Variants in HTR3A observed in about 807,000 individuals in gnomAD.
HTR3A encodes 5-hydroxytryptamine receptor 3A, also known as 5-hydroxytryptamine (serotonin) receptor 3A, ionotropic.
Under a neutral mutation model 54.8 loss-of-function variants are expected in HTR3A, and 45 were observed. That is an observed-to-expected ratio of 0.82 (90% confidence interval 0.65 to 1.05). The LOEUF (loss-of-function observed/expected upper bound fraction) is 1.05. Ranked by LOEUF, HTR3A falls within the 50% of genes least tolerant of loss-of-function variation. HTR3A has a pLI of 0.00. For missense variants in HTR3A, 657 were observed against 614.0 expected, an observed-to-expected ratio of 1.07 and a Z score of -0.74; for synonymous variants, 297 against 256.0, an observed-to-expected ratio of 1.16 and a Z score of -1.53.
rs1950370069 is a variant in HTR3A, at chr11:113,977,796, G to GC, written c.96dup (p.Ala33ArgfsTer32). ...CCAGGAGGAGCCGAAACACCACCAG[G>GC]CCCGCTCTGCTGAGGCTGTCGGATT... On this transcript the variant is annotated frameshift_variant, in exon 2 of 9. Coordinates refer to ENST00000504030, the MANE Select transcript of HTR3A (RefSeq NM_000869.6). LOFTEE classifies it high-confidence loss of function. 6.2e-7 allele frequency: 1 copy of GC among 1,614,008 alleles called. No homozygotes were observed. The highest frequency in any genetic ancestry group is 8.5e-7 in the Non-Finnish European group (1 of 1,180,030).
intron 8 of HTR3A, among the ~76,000 whole-genome samples, chr11:113,987,888 T>C (rs1950511270): frequency 6.6e-6 from 1 of 152,216 alleles, no homozygotes; most frequent in South Asian, 2.1e-4. Context: ...GTTAGTTGGT[T>C]GGTTTATTCA....
rs142461922 is a variant in HTR3A, at chr11:113,986,778, C to T, written c.917-47C>T. The stretch of plus-strand genomic sequence containing the variant: ...CTCAGTCTGGTGAGAAACCCGCCCC[C>T]TCCCACCTCCTGCATGTGTCTCTTG... On this transcript the variant is annotated intron_variant, in intron 7 of 8. Transcript: ENST00000504030. The T allele has an allele frequency of 1.9e-5, 30 of 1,614,042 alleles. No homozygotes were observed. The African/African-American group carries it at 3.5e-4, about 19-fold the overall frequency.
Position 113,990,129 on chromosome 11 carries a change from A to G in HTR3A, c.*366A>G, listed in dbSNP as rs1451974868. ...GACTTTGGAATTCTGCTTCTCTTTCACAACTTTGCTTTTAGGTTGAAGGCA... is the reference window on the plus strand; with the variant it reads ...GACTTTGGAATTCTGCTTCTCTTTCGCAACTTTGCTTTTAGGTTGAAGGCA... On this transcript the variant is annotated 3_prime_UTR_variant, in exon 9 of 9. Coordinates refer to ENST00000504030, the MANE Select transcript of HTR3A (RefSeq NM_000869.6). The G allele has an allele frequency of 6.3e-6, 3 of 474,010 alleles. No homozygotes were observed. Among genetic ancestry groups the G allele is most frequent in the Non-Finnish European group, 1.2e-5 (3 of 240,754 alleles). The allele number at this position is 474,010 out of a possible 1,614,324, so 29.4% of individuals were successfully genotyped here.
In HTR3A at chr11:113,986,745, C is replaced by G. The variant is rs767081765; in HGVS notation, c.916+17C>G. The G allele has an allele frequency of 2.5e-6, 4 of 1,614,198 alleles. No homozygotes were observed. The highest frequency in any genetic ancestry group is 3.4e-6 in the Non-Finnish European group (4 of 1,180,030). On this transcript the variant is annotated intron_variant, in intron 7 of 8. Coordinates refer to ENST00000504030, the MANE Select transcript of HTR3A (RefSeq NM_000869.6). The stretch of plus-strand genomic sequence containing the variant: ...CTCTCATTGGTAAGGCCCCTCCTGG[C>G]AGCAGAGCTCAGTCTGGTGAGAAAC...
At position 113,975,285 on chromosome 11, in the gene HTR3A, C is replaced by T. The variant is rs1427225508; in HGVS notation, c.-41C>T. 1.2e-6 allele frequency: 2 copies of T among 1,609,954 alleles called. No individual in the cohort carries two copies. Among genetic ancestry groups the T allele is most frequent in the Non-Finnish European group, 1.7e-6 (2 of 1,178,122 alleles). ...CAAGCTGGCCCTTGGTGGGCCTCGT[C>T]CTGAGCACTCGGAGGCACTCCTATG... On this transcript the variant is annotated 5_prime_UTR_variant, in exon 1 of 9. Transcript: ENST00000504030.
At chr11:113,976,675 G>A (rs1166175524) in intron 1 of HTR3A, among the ~76,000 whole-genome samples, 2 of 144,398 alleles carry the variant, frequency 1.4e-5, no homozygotes, top group African/African-American at 5.2e-5. Context: ...AAAAGGGGGT[G>A]AAAGGAGGGG....
At chr11:113,979,301 C>G (rs1250701896) in intron 3 of HTR3A, 24 bp downstream of exon 3, 1 of 1,582,424 alleles carries the variant, frequency 6.3e-7, no homozygotes, top group Admixed American at 1.7e-5. Flanking sequence ...CCCCTCCCTG[C>G]CCCCGTTACC....
At chr11:113,985,988 A>G in intron 5 of HTR3A, 27 bp from the exon 6 acceptor site, 1 of 1,613,798 alleles carries the variant, frequency 6.2e-7, no homozygotes, top group Non-Finnish European at 8.5e-7. Context: ...CTAGATTCCA[A>G]AGCTGGCTTG....
chr11:113,981,142 G>A, intron 3 of HTR3A, 61 bp from the exon 4 acceptor site: 1 of 1,029,714 alleles, frequency 9.7e-7, no homozygotes. Context: ...TGCCTGAGTT[G>A]CAGGCGACCC....
chr11:113,983,238 C>T lies in HTR3A; in HGVS notation c.493C>T (p.Pro165Ser). 1 of 1,614,234 alleles carries T rather than the reference C, an allele frequency of 6.2e-7. No individual in the cohort carries two copies. The highest frequency in any genetic ancestry group is 1.1e-5 in the South Asian group (1 of 91,086). Residue 165 changes from proline to serine, a missense_variant, in exon 5 of 9, where the codon CCC becomes TCC. Coordinates refer to ENST00000504030, the MANE Select transcript of HTR3A (RefSeq NM_000869.6). Reference protein sequence around the residue: ...TACSLDIYNFPFDVQNCSLTF... With the variant: ...TACSLDIYNFSFDVQNCSLTF... The stretch of plus-strand genomic sequence containing the variant: ...CTGTAGCCTCGACATCTACAACTTC[C>T]CCTTCGATGTCCAGAACTGCTCGCT...
intron 4 of HTR3A, among the ~76,000 whole-genome samples, chr11:113,981,568 C>T (rs1437114738): frequency 1.3e-5 from 2 of 152,094 alleles, no homozygotes; most frequent in South Asian, 2.1e-4. Context: ...GCCCCTGCCA[C>T]AGGGAAAGAA....
rs189062256 is a variant in HTR3A, at chr11:113,979,136, T to C, written c.220-97T>C. 1.5e-4 allele frequency: 140 copies of C among 935,630 alleles called. No individual in the cohort carries two copies. In the East Asian group the frequency reaches 3.1e-3, roughly 21 times the overall value. 58.0% of individuals were successfully genotyped at this position (935,630 alleles called of 1,614,324 possible). ...TCTTCACTTTCACTTCCCAAAGCAATAGGGACACAAGGAAGCCCCTCCTTT... is the reference window on the plus strand; with the variant it reads ...TCTTCACTTTCACTTCCCAAAGCAACAGGGACACAAGGAAGCCCCTCCTTT... On this transcript the variant is annotated intron_variant, in intron 2 of 8. Transcript: ENST00000504030.
rs551548016 is a variant in HTR3A at position 113,975,413 on chromosome 11, A to T, written c.67+21A>T. The T allele has an allele frequency of 5.6e-5, 90 of 1,603,556 alleles. No individual in the cohort carries two copies. The East Asian group carries it at 1.8e-3, about 32-fold the overall frequency. ...AGAAGGTAAGCAGACTTCGGGAAGC[A>T]GCAGGACTTGGCTGACCATCTGCTG... On this transcript the variant is annotated intron_variant, in intron 1 of 8. Transcript: ENST00000504030.
At chr11:113,980,890 C>G (rs1950414283) in intron 3 of HTR3A, 2 of 398,154 alleles carry the variant, frequency 5.0e-6, no homozygotes, top group Non-Finnish European at 9.5e-6. Flanking sequence ...ATGTTGAGAC[C>G]AAGATCCAAG....
At chr11:113,979,810 G>A (rs1287590460) in intron 3 of HTR3A, among the ~76,000 whole-genome samples, 1 of 152,156 alleles carries the variant, frequency 6.6e-6, no homozygotes, top group Non-Finnish European at 1.5e-5. Flanking sequence ...GGAAAAGAGT[G>A]GAGGTCACTA....
chr11:113,988,795 CA>C (rs1309843548), intron 8 of HTR3A, among the ~76,000 whole-genome samples: 4 of 152,042 alleles, frequency 2.6e-5, no homozygotes, highest in Non-Finnish European at 5.9e-5. Context: ...AACAAACAAA[CA>C]AACAGAATAG....
At chr11:113,982,756 T>G (rs189595893) in intron 4 of HTR3A, among the ~76,000 whole-genome samples, 37 of 152,324 alleles carry the variant, frequency 2.4e-4, no homozygotes, top group Admixed American at 1.4e-3. Flanking sequence ...CCCGCAGGAC[T>G]GGCGATCCTG....
chr11:113,977,723 G>A (rs755211389), intron 1 of HTR3A, 48 bp from the exon 2 acceptor site: 44 of 1,603,300 alleles, frequency 2.7e-5, no homozygotes, highest in Non-Finnish European at 3.5e-5. Flanking sequence ...GAGAACCGGG[G>A]GAAGTCTTGG....
chr11:113,978,086 T>C (rs921743305), intron 2 of HTR3A, among the ~76,000 whole-genome samples, 164 bp downstream of exon 2: 12 of 152,192 alleles, frequency 7.9e-5, no homozygotes, highest in African/African-American at 2.9e-4. Flanking sequence ...TCTGCACAGC[T>C]GCCCAAACCA....
Sources: allele counts gnomAD v4.1 joint callset (sites outside exome capture counted in the v4.1 genomes callset), GRCh38; gene constraint gnomAD v4.1.1; transcripts MANE v1.5; gene names NCBI Gene and HGNC (gene_info 2026-07-23, HGNC 2026-07-21).